The following IGFBP7 variants were observed in gnomAD, a reference collection of about 807,000 sequenced individuals.
IGFBP7 encodes insulin like growth factor binding protein 7.
In IGFBP7, 31 loss-of-function variants were observed where a neutral mutation model predicts 29.4. The ratio of observed to expected loss-of-function variants is 1.05; its 90% CI spans 0.79 to 1.42. IGFBP7 has a LOEUF of 1.42. Ranked by LOEUF, IGFBP7 falls within the 40% of genes most tolerant of loss-of-function variation. IGFBP7 has a pLI of 0.00. For missense variants in IGFBP7, 393 were observed against 395.5 expected (o/e 0.99, Z 0.05); for synonymous variants, 172 against 174.9 (o/e 0.98, Z 0.13).
chr4:57,097,616 T>C (rs1167639547), intron 1 of IGFBP7, among the ~76,000 whole-genome samples: 1 of 151,514 alleles, frequency 6.6e-6, no homozygotes, highest in Non-Finnish European at 1.5e-5. Flanking sequence ...GAAATCCTAC[T>C]ACATACCAGG....
intron 1 of IGFBP7, among the ~76,000 whole-genome samples, chr4:57,104,759 G>A (rs1725982757): frequency 6.6e-6 from 1 of 152,110 alleles, no homozygotes; most frequent in South Asian, 2.1e-4. Flanking sequence ...GGATTTGGGG[G>A]GAAAAGTTAC....
chr4:57,078,478 CT>C (rs898689590), intron 1 of IGFBP7, among the ~76,000 whole-genome samples: 1 of 151,066 alleles, frequency 6.6e-6, no homozygotes, highest in Admixed American at 6.6e-5. Context: ...CGATTTCAAA[CT>C]TGTCTAAAAA....
chr4:57,058,852 G>A (rs1249301496), intron 1 of IGFBP7, among the ~76,000 whole-genome samples: 1 of 152,178 alleles, frequency 6.6e-6, no homozygotes, highest in Non-Finnish European at 1.5e-5. Context: ...CTATGCATCT[G>A]ACAAAGGTCT....
At chr4:57,098,160 C>T (rs1725806272) in intron 1 of IGFBP7, among the ~76,000 whole-genome samples, 1 of 152,172 alleles carries the variant, frequency 6.6e-6, no homozygotes, top group Admixed American at 6.5e-5. Flanking sequence ...TGCTTATTCG[C>T]TCTCTCTTGG....
chr4:57,068,673 G>GA (rs1470468383), intron 1 of IGFBP7, among the ~76,000 whole-genome samples: 2 of 152,182 alleles, frequency 1.3e-5, no homozygotes, highest in African/African-American at 2.4e-5. Context: ...ATGAAAGGTT[G>GA]AACTGTCACA....
At chr4:57,036,088 G>T (rs1310260761) in intron 2 of IGFBP7, among the ~76,000 whole-genome samples, 1 of 152,198 alleles carries the variant, frequency 6.6e-6, no homozygotes, top group Non-Finnish European at 1.5e-5. Flanking sequence ...ATAAATTACA[G>T]TATTCATACT....
At chr4:57,039,641 CTCT>C (rs1724171092) in intron 2 of IGFBP7, among the ~76,000 whole-genome samples, 1 of 141,350 alleles carries the variant, frequency 7.1e-6, no homozygotes, top group African/African-American at 2.7e-5. Context: ...GGAATTCACA[CTCT>C]TTTTTTTTTT....
At chr4:57,042,959 A>G (rs886533561) in intron 1 of IGFBP7, among the ~76,000 whole-genome samples, 2 of 152,236 alleles carry the variant, frequency 1.3e-5, no homozygotes, top group Non-Finnish European at 2.9e-5. Context: ...TGATGCAAGT[A>G]ACCCCCTGGG....
In IGFBP7 at chr4:57,086,664, G is replaced by A. The variant is rs973755771; in HGVS notation, c.475+23213C>T. ...TGGGGCTTGGGTTTTGGTATCTAGAGGATTTACGTTTTTGTTTTCTAATTT... is the reference window on the plus strand; with the variant it reads ...TGGGGCTTGGGTTTTGGTATCTAGAAGATTTACGTTTTTGTTTTCTAATTT... On this transcript the variant is annotated intron_variant, in intron 1 of 4. Transcript: ENST00000295666. Among the ~76,000 whole-genome samples, 58 of 152,000 alleles carry A rather than the reference G, an allele frequency of 3.8e-4. 3 individuals carry two copies. Among genetic ancestry groups the A allele is most frequent in the Non-Finnish European group, 8.8e-5 (6 of 67,982 alleles).
intron 1 of IGFBP7, among the ~76,000 whole-genome samples, chr4:57,073,696 C>T (rs933923905): frequency 6.6e-6 from 1 of 152,148 alleles, no homozygotes; most frequent in Admixed American, 6.6e-5. Context: ...TAGGAGGGGC[C>T]TCTTCAAACA....
intron 1 of IGFBP7, among the ~76,000 whole-genome samples, chr4:57,056,105 GCT>G (rs747035256): frequency 3.3e-5 from 5 of 151,988 alleles, no homozygotes; most frequent in Non-Finnish European, 7.3e-5. Context: ...AGCTCCTCCT[GCT>G]CTTTCTCAGT....
chr4:57,078,954 G>T (rs562296636), intron 1 of IGFBP7, among the ~76,000 whole-genome samples: 1 of 152,262 alleles, frequency 6.6e-6, no homozygotes, highest in Non-Finnish European at 1.5e-5. Context: ...CGTCCACAGG[G>T]CCCCCAGTTC....
At chr4:57,072,835 C>T (rs1725088451) in intron 1 of IGFBP7, 1 of 591,450 alleles carries the variant, frequency 1.7e-6, no homozygotes, top group Admixed American at 1.9e-5. Flanking sequence ...GGTATAAGCT[C>T]TCCCTAGAGC....
chr4:57,102,779 A>C (rs1725930067), intron 1 of IGFBP7, among the ~76,000 whole-genome samples: 1 of 152,172 alleles, frequency 6.6e-6, no homozygotes, highest in Non-Finnish European at 1.5e-5. Context: ...ATTATAAAGA[A>C]CCAGTGATTC....
chr4:57,065,886 C>T (rs1724909485), intron 1 of IGFBP7, among the ~76,000 whole-genome samples: 1 of 152,176 alleles, frequency 6.6e-6, no homozygotes, highest in Non-Finnish European at 1.5e-5. Context: ...CGTTATCTCT[C>T]TCTGCTCCAC....
chr4:57,099,281 T>A (rs538432798), intron 1 of IGFBP7, among the ~76,000 whole-genome samples: 2 of 152,316 alleles, frequency 1.3e-5, no homozygotes, highest in African/African-American at 4.8e-5. Flanking sequence ...TTTTTTCTTC[T>A]CCCTCAAAAA....
rs2109812714 is a variant in IGFBP7, at chr4:57,110,049, T to G, written c.303A>C (p.Ala101=). The G allele has an allele frequency of 1.3e-6, 2 of 1,561,376 alleles. No individual in the cohort carries two copies. Among genetic ancestry groups the G allele is most frequent in the South Asian group, 2.3e-5 (2 of 85,866 alleles). The change falls in exon 1 of 5, where the codon GCA becomes GCC. Residue 101 remains alanine (A), a synonymous_variant. Coordinates refer to ENST00000295666, the MANE Select transcript of IGFBP7 (RefSeq NM_001553.3). Reference sequence around the variant, plus strand: ...CGCCGCTTACACCCGGACCGCCGGCTGCTGCCCCGGCTTTACCCTTCCGCC... The same window carrying G: ...CGCCGCTTACACCCGGACCGCCGGCGGCTGCCCCGGCTTTACCCTTCCGCC... The part of the protein sequence containing the change: ...RKRRKGKAGA[A]AGGPGVSGVC...
chr4:57,061,873 G>A (rs1002547700), intron 1 of IGFBP7, among the ~76,000 whole-genome samples: 16 of 152,068 alleles, frequency 1.1e-4, no homozygotes, highest in Admixed American at 2.0e-4. Context: ...TACGTTGCCA[G>A]GCTGGTCTCA....
Position 57,074,432 on chromosome 4 carries a change from TA to T in IGFBP7, c.476-33500del, listed in dbSNP as rs1425039994. ...CATTTTCTCCTGCCTCTGAAGGTGT[TA>T]AAAAGTTAAAAAGAAGCTGCAACTG... is the stretch of plus-strand genomic sequence containing the variant. On this transcript the variant is annotated intron_variant, in intron 1 of 4. Transcript: ENST00000295666. 2.0e-5 allele frequency among the ~76,000 whole-genome samples: 3 copies of T among 152,196 alleles called. No homozygotes were observed. The East Asian group carries it at 5.8e-4, about 29-fold the overall frequency.
Sources: gnomAD v4.1 joint callset for allele counts (sites outside exome capture counted in the v4.1 genomes callset) on GRCh38, gnomAD v4.1.1 for gene constraint, MANE v1.5 for transcripts, NCBI Gene and HGNC (gene_info 2026-07-23, HGNC 2026-07-21) for gene names.